SCAMP4: variants seen among roughly 807,000 people sequenced by gnomAD.
SCAMP4 encodes secretory carrier-associated membrane protein 4.
SCAMP4 carries 19 observed loss-of-function variants against 32.1 expected under a neutral mutation model. That is an observed-to-expected ratio of 0.59 (90% CI 0.41 to 0.87). The LOEUF (loss-of-function observed/expected upper bound fraction) is 0.87. SCAMP4 is among the 40% of genes least tolerant of loss of function. SCAMP4 has a pLI of 0.00. For missense variants in SCAMP4, 302 were observed against 309.0 expected, an observed-to-expected ratio of 0.98 and a Z score of 0.17; for synonymous variants, 152 against 132.7, an observed-to-expected ratio of 1.15 and a Z score of -1.00.
At chr19:1,918,568 C>A in intron 4 of SCAMP4, 1 of 504,748 alleles carries the variant, frequency 2.0e-6, no homozygotes. Flanking sequence ...TCAAGACCAG[C>A]CTGGCCAACA....
intron 1 of SCAMP4, among the ~76,000 whole-genome samples, chr19:1,914,217 C>T (rs889187882): frequency 2.6e-5 from 4 of 152,082 alleles, no homozygotes; most frequent in African/African-American, 7.2e-5. Context: ...AGGTGGCAGG[C>T]GGGCGGAGGG....
chr19:1,919,385 C>T (rs2013845809), intron 5 of SCAMP4: 9 of 985,350 alleles, frequency 9.1e-6, no homozygotes, highest in Non-Finnish European at 1.1e-5. Flanking sequence ...TAAAAACACA[C>T]ATACCTGGTG....
chr19:1,908,544 AC>A lies in SCAMP4; in HGVS notation c.-42+3108del. ...TAGTCCAGGCTGGCAGTTCAGGATC[AC>A]CCGGCTGGAGTCATTTTAAGATCAT... On this transcript the variant is annotated intron_variant, in intron 1 of 6. Transcript: ENST00000316097. This position sits in a 1 kb window ranked among gnomAD's most constrained non-coding sequence, Gnocchi z 4.2. 1 of 471,124 alleles carries A rather than the reference AC, an allele frequency of 2.1e-6. No individual in the cohort carries two copies. The highest frequency in any genetic ancestry group is 1.5e-5 in the South Asian group (1 of 64,562). The allele number at this position is 471,124 out of a possible 1,614,324, so 29.2% of individuals were successfully genotyped here.
chr19:1,922,066 C>A, intron 5 of SCAMP4: 1 of 985,442 alleles, frequency 1.0e-6, no homozygotes, highest in Non-Finnish European at 1.2e-6. Flanking sequence ...GTACGTCGTG[C>A]CTGCCTTTAA....
At chr19:1,912,359 C>G (rs1264182146) in intron 1 of SCAMP4, 16 of 1,528,986 alleles carry the variant, frequency 1.0e-5, no homozygotes, top group Non-Finnish European at 1.2e-5. Flanking sequence ...GCAGCCCCCA[C>G]GCCCTGGAGA....
At chr19:1,913,123 A>G in intron 1 of SCAMP4, 1 of 1,581,106 alleles carries the variant, frequency 6.3e-7, no homozygotes, top group South Asian at 1.1e-5. Context: ...CTGGAGGAGC[A>G]GTGCCGCTGG....
At chr19:1,919,935 G>C (rs544727212) in intron 5 of SCAMP4, among the ~76,000 whole-genome samples, 2 of 151,098 alleles carry the variant, frequency 1.3e-5, no homozygotes, top group Non-Finnish European at 2.9e-5. Flanking sequence ...TCAGCCTCCC[G>C]AGTAGCTGGG....
In SCAMP4 at chr19:1,910,901, G is replaced by A. The variant is rs538550628; in HGVS notation, c.-41-4078G>A. ...TTTTGTTGTTTTTTGACAGTCTCGCGCTGTTACCAGGCTGGAGTGCAGTGG... is the reference window on the plus strand; with the variant it reads ...TTTTGTTGTTTTTTGACAGTCTCGCACTGTTACCAGGCTGGAGTGCAGTGG... On this transcript the variant is annotated intron_variant, in intron 1 of 6. Transcript: ENST00000316097. Among the ~76,000 whole-genome samples, 24 of 134,768 alleles carry A rather than the reference G, an allele frequency of 1.8e-4. No individual in the cohort carries two copies. In the East Asian group the frequency reaches 3.2e-3, roughly 18 times the overall value. The allele number at this position is 134,768 out of a possible 152,430, so 88.4% of individuals were successfully genotyped here.
In SCAMP4 at chr19:1,912,951, G is replaced by A. The variant is rs576894159; in HGVS notation, c.-41-2028G>A. ...CCTGTGCACTGGCTACGACCTGTAC[G>A]TGACCCGCGAGCCCTGCGCCATGTG... On this transcript the variant is annotated intron_variant, in intron 1 of 6. Coordinates refer to ENST00000316097, the MANE Select transcript of SCAMP4 (RefSeq NM_079834.4). The A allele has an allele frequency of 6.2e-6, 10 of 1,610,290 alleles. No homozygotes were observed. The highest frequency in any genetic ancestry group is 4.4e-5 in the South Asian group (4 of 91,076).
chr19:1,917,040 C>T (rs1042392154), intron 2 of SCAMP4, among the ~76,000 whole-genome samples: 1 of 152,254 alleles, frequency 6.6e-6, no homozygotes. Flanking sequence ...TGGCTCACGC[C>T]TGTTATCCCA....
intron 1 of SCAMP4, among the ~76,000 whole-genome samples, chr19:1,909,154 A>G (rs1013032154): frequency 2.7e-5 from 4 of 150,264 alleles, no homozygotes; most frequent in Admixed American, 1.3e-4. Flanking sequence ...CTGTAATCCA[A>G]CCTCAGGCCT....
intron 1 of SCAMP4, chr19:1,906,778 G>T (rs1267526834): frequency 6.6e-6 from 1 of 151,968 alleles, no homozygotes; most frequent in Non-Finnish European, 1.5e-5. Flanking sequence ...GTGAACTCAG[G>T]AGGCAGAGCT....
At chr19:1,917,904 C>T in intron 3 of SCAMP4, 82 bp downstream of exon 3, 2 of 1,561,456 alleles carry the variant, frequency 1.3e-6, no homozygotes, top group Non-Finnish European at 1.7e-6. Context: ...CAGGGGCAGC[C>T]CGTCGGGGGC....
chr19:1,912,643 C>T lies in SCAMP4; in HGVS notation c.-41-2336C>T, dbSNP rs908444236. ...AGCCACATGGAGCGGGCGGTGTGGG[C>T]GGCCCGGCGGGCAGCAGCGCGGGGC... On this transcript the variant is annotated intron_variant, in intron 1 of 6. Transcript: ENST00000316097. 566 of 1,423,948 alleles carry T rather than the reference C, an allele frequency of 4.0e-4. No individual in the cohort carries two copies. The highest frequency in any genetic ancestry group is 4.9e-4 in the Non-Finnish European group (541 of 1,098,346). 88.2% of individuals were successfully genotyped at this position (1,423,948 alleles called of 1,614,324 possible). A position where few individuals can be genotyped will look rare whatever the true frequency, so the allele number is the denominator to read the frequency against.
chr19:1,913,029 T>C, intron 1 of SCAMP4: 2 of 1,604,776 alleles, frequency 1.2e-6, no homozygotes, highest in South Asian at 1.1e-5. Flanking sequence ...CGGTGCGCCC[T>C]CGCCCGACGG....
rs909166497 is a variant in SCAMP4, at chr19:1,922,920, A to G, written c.396-150A>G. The G allele has an allele frequency of 3.0e-6, 4 of 1,353,060 alleles. No individual in the cohort carries two copies. In the African/African-American group the frequency reaches 4.5e-5, roughly 15 times the overall value. 83.8% of individuals were successfully genotyped at this position (1,353,060 alleles called of 1,614,324 possible). A position where few individuals can be genotyped will look rare whatever the true frequency, so the allele number is the denominator to read the frequency against. On this transcript the variant is annotated intron_variant, in intron 5 of 6. Coordinates refer to ENST00000316097, the MANE Select transcript of SCAMP4 (RefSeq NM_079834.4). ...AGTTGGTGCCTCTCAGTATCGCTTT[A>G]TGTTTGTTGGCCACTTGGTCGTCCT...
At position 1,918,300 on chromosome 19, in the gene SCAMP4, G is replaced by A. The variant is rs992494520; in HGVS notation, c.293+17G>A. ...GGCCTTCCGGTGAGCAGAGCTGCCG[G>A]GGGCCGTCTGCACCCAGAGGGAACC... is the stretch of plus-strand genomic sequence containing the variant. On this transcript the variant is annotated intron_variant, in intron 4 of 6. Coordinates refer to ENST00000316097, the MANE Select transcript of SCAMP4 (RefSeq NM_079834.4). The A allele has an allele frequency of 1.9e-6, 3 of 1,577,966 alleles. No individual in the cohort carries two copies. The African/African-American group carries it at 4.0e-5, about 21-fold the overall frequency.
chr19:1,912,400 GC>G (rs2145437174), intron 1 of SCAMP4: 2 of 1,515,816 alleles, frequency 1.3e-6, no homozygotes, highest in East Asian at 2.6e-5. Context: ...CCGGCCTCGG[GC>G]CCGCGCTCGC....
At chr19:1,912,646 C>T (rs1335266722) in intron 1 of SCAMP4, 2 of 1,424,672 alleles carry the variant, frequency 1.4e-6, no homozygotes, top group Non-Finnish European at 1.8e-6. Flanking sequence ...GTGTGGGCGG[C>T]CCGGCGGGCA....
Sources: gnomAD v4.1 joint callset for allele counts (sites outside exome capture counted in the v4.1 genomes callset) on GRCh38, gnomAD v4.1.1 for gene constraint, Gnocchi (gnomAD v3.1) non-coding constraint, MANE v1.5 for transcripts, NCBI Gene and HGNC (gene_info 2026-07-23, HGNC 2026-07-21) for gene names.